MTF2: variants seen among roughly 807,000 people sequenced by gnomAD.
MTF2 encodes metal response element binding transcription factor 2.
MTF2 carries 11 observed loss-of-function variants against 79.5 expected under a neutral mutation model. The ratio of observed to expected loss-of-function variants is 0.14; its 90% CI spans 0.09 to 0.23. The LOEUF (loss-of-function observed/expected upper bound fraction) is 0.23, where lower values mean the gene tolerates loss of function less well. MTF2 is among the 10% of genes least tolerant of loss of function. The probability of loss-of-function intolerance (pLI) is 1.00; values close to 1 mark genes in which losing one functional copy is unlikely to be tolerated. For synonymous variants in MTF2, 208 were observed against 232.8 expected, an observed-to-expected ratio of 0.89 and a Z score of 0.97; for missense variants, 486 against 711.2, an observed-to-expected ratio of 0.68 and a Z score of 3.60.
chr1:93,135,721 G>A (rs565276298), intron 14 of MTF2, among the ~76,000 whole-genome samples: 10 of 152,310 alleles, frequency 6.6e-5, no homozygotes, highest in African/African-American at 2.4e-4. Context: ...CTGAGGCGGA[G>A]GATTACTTGA....
intron 14 of MTF2, among the ~76,000 whole-genome samples, chr1:93,135,920 A>C (rs758850978): frequency 6.6e-6 from 1 of 152,248 alleles, no homozygotes; most frequent in Non-Finnish European, 1.5e-5. Flanking sequence ...CCAACATTGC[A>C]TGTTTAGCAA....
chr1:93,089,090 C>T (rs1239081261), intron 1 of MTF2, among the ~76,000 whole-genome samples: 1 of 152,132 alleles, frequency 6.6e-6, no homozygotes, highest in Non-Finnish European at 1.5e-5. Flanking sequence ...GTAAACACCT[C>T]TGTTCATTCT....
At chr1:93,136,382 C>A (rs897144768) in intron 14 of MTF2, among the ~76,000 whole-genome samples, 2 of 152,126 alleles carry the variant, frequency 1.3e-5, no homozygotes, top group South Asian at 4.1e-4. Flanking sequence ...AGGGCCTCTT[C>A]GTAAGAATTT....
intron 11 of MTF2, 63 bp from the exon 12 acceptor site, chr1:93,133,640 A>T: frequency 9.3e-7 from 1 of 1,077,928 alleles, no homozygotes; most frequent in South Asian, 1.6e-5. Context: ...AGTTACATAC[A>T]TAGAGTCAAT....
chr1:93,130,104 G>A (rs903367135), intron 11 of MTF2, among the ~76,000 whole-genome samples: 1 of 152,272 alleles, frequency 6.6e-6, no homozygotes, highest in East Asian at 1.9e-4. Context: ...CAAAGGCTTT[G>A]AAACATATTC....
chr1:93,126,776 G>A (rs1656713850), intron 9 of MTF2, among the ~76,000 whole-genome samples: 1 of 152,024 alleles, frequency 6.6e-6, no homozygotes, highest in Non-Finnish European at 1.5e-5. Flanking sequence ...TATGCTTAAT[G>A]TTAGAGGTAC....
intron 1 of MTF2, among the ~76,000 whole-genome samples, chr1:93,090,693 T>C (rs1571217473): frequency 6.7e-6 from 1 of 150,048 alleles, no homozygotes; most frequent in East Asian, 1.9e-4. Context: ...AGACGGAGTC[T>C]AACTGTGTTA....
chr1:93,108,906 T>A (rs1655916386), intron 1 of MTF2, among the ~76,000 whole-genome samples: 1 of 152,190 alleles, frequency 6.6e-6, no homozygotes, highest in African/African-American at 2.4e-5. Context: ...CTCATATAAG[T>A]GGAATAGTTG....
chr1:93,117,764 C>T (rs777316992), intron 6 of MTF2, among the ~76,000 whole-genome samples: 1 of 152,038 alleles, frequency 6.6e-6, no homozygotes, highest in South Asian at 2.1e-4. Flanking sequence ...TGGTGGCTCT[C>T]GCATGTGATC....
intron 1 of MTF2, among the ~76,000 whole-genome samples, chr1:93,096,315 C>G (rs1258230380): frequency 6.6e-6 from 1 of 152,044 alleles, no homozygotes; most frequent in Non-Finnish European, 1.5e-5. Context: ...TTCTCATTTT[C>G]ACTTCTCATT....
At chr1:93,091,233 T>A (rs893699950) in intron 1 of MTF2, among the ~76,000 whole-genome samples, 4 of 148,248 alleles carry the variant, frequency 2.7e-5, no homozygotes, top group African/African-American at 9.7e-5. Context: ...TCTGGTATAC[T>A]ACTACTTAGT....
chr1:93,123,542 A>AT (rs1422573305), intron 9 of MTF2, among the ~76,000 whole-genome samples: 3 of 151,940 alleles, frequency 2.0e-5, no homozygotes, highest in African/African-American at 4.8e-5. Context: ...GTTGATTGAG[A>AT]TTTTTTATGG....
At chr1:93,102,537 A>T (rs1045978822) in intron 1 of MTF2, among the ~76,000 whole-genome samples, 2 of 152,022 alleles carry the variant, frequency 1.3e-5, no homozygotes, top group Non-Finnish European at 2.9e-5. Flanking sequence ...GGCTGCAGTG[A>T]CCCATGATTG....
At chr1:93,097,347 T>A (rs1435439527) in intron 1 of MTF2, among the ~76,000 whole-genome samples, 1 of 152,126 alleles carries the variant, frequency 6.6e-6, no homozygotes, top group Non-Finnish European at 1.5e-5. Context: ...ATTTCCCCCA[T>A]ACCATCTTCC....
Position 93,133,763 on chromosome 1 carries a change from C to G in MTF2, c.1221C>G (p.Gly407=). 1 of 1,612,252 alleles carries G rather than the reference C, an allele frequency of 6.2e-7. No homozygotes were observed. Among genetic ancestry groups the G allele is most frequent in the Non-Finnish European group, 8.5e-7 (1 of 1,179,310 alleles). Residue 407 remains glycine (G), a synonymous_variant, in exon 12 of 15, where the codon GGC becomes GGG. Transcript: ENST00000370298. The part of the protein sequence containing the change: ...GKKKSVGRPP[G]PYTRKMIQKT... Reference sequence around the variant, plus strand: ...AAAAATCTGTAGGTCGTCCACCTGGCCCATATACAAGAAAAATGATTCAAA... The same window carrying G: ...AAAAATCTGTAGGTCGTCCACCTGGGCCATATACAAGAAAAATGATTCAAA...
chr1:93,105,183 G>A (rs1304721457), intron 1 of MTF2, among the ~76,000 whole-genome samples: 1 of 150,640 alleles, frequency 6.6e-6, no homozygotes, highest in African/African-American at 2.4e-5. Context: ...TCCCTGTTTG[G>A]GGGGAGGTTA....
chr1:93,082,729 C>T (rs538391580), intron 1 of MTF2, among the ~76,000 whole-genome samples: 1 of 152,198 alleles, frequency 6.6e-6, no homozygotes, highest in East Asian at 1.9e-4. Flanking sequence ...CACATGCATT[C>T]TTTGAAGGTG....
chr1:93,112,440 A>G (rs774270159), intron 3 of MTF2, among the ~76,000 whole-genome samples: 8 of 152,206 alleles, frequency 5.3e-5, no homozygotes, highest in Non-Finnish European at 7.3e-5. Context: ...TGTTACAACT[A>G]TTACATAAAT....
At chr1:93,100,553 C>T (rs1655488804) in intron 1 of MTF2, among the ~76,000 whole-genome samples, 2 of 152,046 alleles carry the variant, frequency 1.3e-5, no homozygotes, top group Admixed American at 6.6e-5. Context: ...ATGATCTGCC[C>T]GCCTCGGCCT....
Sources: gnomAD v4.1 joint callset for allele counts (sites outside exome capture counted in the v4.1 genomes callset) on GRCh38, gnomAD v4.1.1 for gene constraint, MANE v1.5 for transcripts, NCBI Gene and HGNC (gene_info 2026-07-23, HGNC 2026-07-21) for gene names.